SYPL2: variants seen among roughly 807,000 people sequenced by gnomAD.
SYPL2 encodes the protein synaptophysin like 2.
In SYPL2, 24 loss-of-function variants were observed where a neutral mutation model predicts 31.3. The observed-to-expected ratio is 0.77, with a 90% CI of 0.56 to 1.08. The LOEUF (loss-of-function observed/expected upper bound fraction) is 1.08, where lower values mean the gene tolerates loss of function less well. Ranked by LOEUF, SYPL2 falls within the 50% of genes least tolerant of loss-of-function variation. The pLI is 0.00. For synonymous variants in SYPL2, 144 were observed against 143.1 expected (o/e 1.01, Z -0.05); for missense variants, 342 against 360.1 (o/e 0.95, Z 0.41).
intron 3 of SYPL2, among the ~76,000 whole-genome samples, chr1:109,476,365 G>A (rs535111532): frequency 1.3e-5 from 2 of 152,314 alleles, no homozygotes; most frequent in East Asian, 3.9e-4. Context: ...AATAAAGCCT[G>A]AGAATGGGTG....
intron 3 of SYPL2, among the ~76,000 whole-genome samples, chr1:109,476,472 A>G (rs1656000322): frequency 6.6e-6 from 1 of 152,164 alleles, no homozygotes; most frequent in South Asian, 2.1e-4. Flanking sequence ...GAGAAGAACT[A>G]CATATATTGC....
intron 2 of SYPL2, among the ~76,000 whole-genome samples, chr1:109,467,750 GAATA>G (rs1655702410): frequency 6.6e-6 from 1 of 152,292 alleles, no homozygotes; most frequent in Admixed American, 6.5e-5. Context: ...AAAAAAATAA[GAATA>G]AAAATCACGG....
Position 109,466,897 on chromosome 1 carries a change from G to A in SYPL2, c.54G>A (p.Gln18=), listed in dbSNP as rs989895707. 35 of 1,530,400 alleles carry A rather than the reference G, an allele frequency of 2.3e-5. No homozygotes were observed. The highest frequency in any genetic ancestry group is 4.2e-5 in the African/African-American group (3 of 71,942). 94.8% of individuals were successfully genotyped at this position (1,530,400 alleles called of 1,614,324 possible). Residue 18 remains glutamine, a splice_region_variant and synonymous_variant, in exon 1 of 6, where the codon CAG becomes CAA. Transcript: ENST00000369872. Reference sequence around the variant, plus strand: ...CGGCGGACAAGTCGCCGCGCCAGCAGGTAGTCCCTGCGCGCCCAGGACTCT... The same window carrying A: ...CGGCGGACAAGTCGCCGCGCCAGCAAGTAGTCCCTGCGCGCCCAGGACTCT... ...GRTADKSPRQ[Q]VDRLLVGLRW...
Position 109,479,595 on chromosome 1 carries a change from C to G in SYPL2, c.*47C>G. ...CCCGAACTGGACAGCACCTCTTCAACCACCTCCGGCTTCCAGGACCTTTCT... is the reference window on the plus strand; with the variant it reads ...CCCGAACTGGACAGCACCTCTTCAAGCACCTCCGGCTTCCAGGACCTTTCT... On this transcript the variant is annotated 3_prime_UTR_variant, in exon 6 of 6. Coordinates refer to ENST00000369872, the MANE Select transcript of SYPL2 (RefSeq NM_001040709.2). 1 of 1,586,076 alleles carries G rather than the reference C, an allele frequency of 6.3e-7. No individual in the cohort carries two copies. The highest frequency in any genetic ancestry group is 8.6e-7 in the Non-Finnish European group (1 of 1,162,292).
intron 5 of SYPL2, 38 bp from the exon 6 acceptor site, chr1:109,479,340 C>T (rs1432769994): frequency 6.2e-7 from 1 of 1,608,476 alleles, no homozygotes; most frequent in Non-Finnish European, 8.5e-7. Context: ...ACAATGACCC[C>T]CTGACTATTC....
Position 109,478,062 on chromosome 1 carries a change from G to C in SYPL2, c.648+53G>C. On this transcript the variant is annotated intron_variant, in intron 5 of 5. Coordinates refer to ENST00000369872, the MANE Select transcript of SYPL2 (RefSeq NM_001040709.2). This position sits in a 1 kb window ranked among gnomAD's most constrained non-coding sequence, Gnocchi z 4.0. ...AGCACCAGCCCTGCTGCCCAGGCCT[G>C]TCCCAGCTAGCAGGTCCTGAAAGGA... The C allele has an allele frequency of 6.3e-7, 1 of 1,598,214 alleles. No individual in the cohort carries two copies.
Position 109,475,545 on chromosome 1 carries a change from C to A in SYPL2, c.130-36C>A, listed in dbSNP as rs368754873. ...AGTTCTCGACTTTGGCCAGTTGAGGCCTTCTGACTCTCAAAGAGGCTTCAC... is the reference window on the plus strand; with the variant it reads ...AGTTCTCGACTTTGGCCAGTTGAGGACTTCTGACTCTCAAAGAGGCTTCAC... On this transcript the variant is annotated intron_variant, in intron 2 of 5. Coordinates refer to ENST00000369872, the MANE Select transcript of SYPL2 (RefSeq NM_001040709.2). 9 of 1,604,056 alleles carry A rather than the reference C, an allele frequency of 5.6e-6. No homozygotes were observed. In the African/African-American group the frequency reaches 1.1e-4, roughly 19 times the overall value.
intron 3 of SYPL2, among the ~76,000 whole-genome samples, chr1:109,476,070 G>T (rs931560324): frequency 6.6e-6 from 1 of 152,178 alleles, no homozygotes; most frequent in African/African-American, 2.4e-5. Context: ...TGCCTTGAAG[G>T]TAGGGAAGCT....
rs1443040627 is a variant in SYPL2 at position 109,476,952 on chromosome 1, C to T, written c.431C>T (p.Thr144Ile). Residue 144 changes from threonine (T) to isoleucine (I), a missense_variant, in exon 4 of 6, where the codon ACA becomes ATA. Coordinates refer to ENST00000369872, the MANE Select transcript of SYPL2 (RefSeq NM_001040709.2). ...VIYLRFHNLYTENKRFPLVDF... is the reference protein window; with the variant it reads ...VIYLRFHNLYIENKRFPLVDF... ...TACCTGCGCTTCCACAACCTCTACACAGAGAACAAACGCTTCCCGCTGGTG... is the reference window on the plus strand; with the variant it reads ...TACCTGCGCTTCCACAACCTCTACATAGAGAACAAACGCTTCCCGCTGGTG... 1.2e-6 allele frequency: 2 copies of T among 1,614,240 alleles called. No homozygotes were observed. The highest frequency in any genetic ancestry group is 1.7e-6 in the Non-Finnish European group (2 of 1,180,040).
intron 2 of SYPL2, among the ~76,000 whole-genome samples, chr1:109,469,373 T>G (rs191304590): frequency 0.043 from 6,468 of 149,056 alleles, 215 homozygotes; most frequent in Non-Finnish European, 0.066. Flanking sequence ...TCTTAGAGTT[T>G]TTTTTTTTTT....
intron 2 of SYPL2, among the ~76,000 whole-genome samples, chr1:109,472,137 T>C (rs1007467495): frequency 3.3e-5 from 5 of 152,118 alleles, no homozygotes; most frequent in Admixed American, 3.3e-4. Context: ...TTCTTTTTCT[T>C]TTTTTGAGAT....
At chr1:109,470,436 G>T (rs1475686521) in intron 2 of SYPL2, among the ~76,000 whole-genome samples, 1 of 152,212 alleles carries the variant, frequency 6.6e-6, no homozygotes, top group Non-Finnish European at 1.5e-5. Context: ...TGCCAAAGGG[G>T]AGCCTCATCC....
intron 4 of SYPL2, 100 bp from the exon 5 acceptor site, chr1:109,477,718 C>T: frequency 6.6e-7 from 1 of 1,504,688 alleles, no homozygotes; most frequent in East Asian, 2.3e-5. Context: ...AGGCAACTGT[C>T]CTGGCACCCT....
At chr1:109,472,531 G>T (rs1655863975) in intron 2 of SYPL2, among the ~76,000 whole-genome samples, 1 of 151,806 alleles carries the variant, frequency 6.6e-6, no homozygotes, top group Non-Finnish European at 1.5e-5. Flanking sequence ...TCAGGAGAGT[G>T]CTGGTGAAGA....
At chr1:109,475,277 AC>A (rs995209557) in intron 2 of SYPL2, 8 of 243,890 alleles carry the variant, frequency 3.3e-5, no homozygotes, top group Non-Finnish European at 6.3e-5. Flanking sequence ...TAAGGAGGCT[AC>A]CTGTGGTCCC....
At chr1:109,474,317 TC>T (rs1370759632) in intron 2 of SYPL2, among the ~76,000 whole-genome samples, 35 of 121,844 alleles carry the variant, frequency 2.9e-4, no homozygotes, top group African/African-American at 1.2e-3. Flanking sequence ...TCTTTTCTTT[TC>T]TTTTCTTTTT....
At position 109,479,880 on chromosome 1, in the gene SYPL2, A is replaced by G. The variant is rs116320027; in HGVS notation, c.*332A>G. ...AGGTGAGGGTTGGGGGCAGGAAACC[A>G]GTGCTCTGAGACTGGTTCCTAGCAG... On this transcript the variant is annotated 3_prime_UTR_variant, in exon 6 of 6. Coordinates refer to ENST00000369872, the MANE Select transcript of SYPL2 (RefSeq NM_001040709.2). 0.012 allele frequency: 3,310 copies of G among 277,838 alleles called. 109 individuals carry two copies. Among genetic ancestry groups the G allele is most frequent in the African/African-American group, 0.064 (2,966 of 46,030 alleles). The allele number at this position is 277,838 out of a possible 1,614,324, so 17.2% of individuals were successfully genotyped here. A position where few individuals can be genotyped will look rare whatever the true frequency, so the allele number is the denominator to read the frequency against.
chr1:109,477,839 T>A lies in SYPL2; in HGVS notation c.478T>A (p.Phe160Ile). ...PLVDFCVTVSFTFFWLVAAAA... is the reference protein window; with the variant it reads ...PLVDFCVTVSITFFWLVAAAA... ...CCAGGACTTCTGTGTGACTGTCTCC[T>A]TCACCTTCTTCTGGCTGGTAGCTGC... The change falls in exon 5 of 6, where the codon TTC becomes ATC. Residue 160 changes from phenylalanine (F) to isoleucine (I), a missense_variant. Phe to Ile is a conservative substitution (Grantham distance 21). Coordinates refer to ENST00000369872, the MANE Select transcript of SYPL2 (RefSeq NM_001040709.2). 1 of 1,611,580 alleles carries A rather than the reference T, an allele frequency of 6.2e-7. No individual in the cohort carries two copies. Among genetic ancestry groups the A allele is most frequent in the Non-Finnish European group, 8.5e-7 (1 of 1,178,478 alleles).
chr1:109,478,073 C>A lies in SYPL2; in HGVS notation c.648+64C>A, dbSNP rs754594619. 1.3e-5 allele frequency: 20 copies of A among 1,583,844 alleles called. No individual in the cohort carries two copies. Among genetic ancestry groups the A allele is most frequent in the Non-Finnish European group, 1.7e-5 (20 of 1,166,102 alleles). On this transcript the variant is annotated intron_variant, in intron 5 of 5. Coordinates refer to ENST00000369872, the MANE Select transcript of SYPL2 (RefSeq NM_001040709.2). The surrounding 1 kb of genome is among the most constrained non-coding windows in gnomAD (Gnocchi z 4.0). ...TGCTGCCCAGGCCTGTCCCAGCTAGCAGGTCCTGAAAGGAAAGAGAGGGTG... is the reference window on the plus strand; with the variant it reads ...TGCTGCCCAGGCCTGTCCCAGCTAGAAGGTCCTGAAAGGAAAGAGAGGGTG...
Sources: gnomAD v4.1 joint callset for allele counts (sites outside exome capture counted in the v4.1 genomes callset) on GRCh38, gnomAD v4.1.1 for gene constraint, Gnocchi (gnomAD v3.1) non-coding constraint, MANE v1.5 for transcripts, NCBI Gene and HGNC (gene_info 2026-07-23, HGNC 2026-07-21) for gene names.